HAT1: variants seen among roughly 807,000 people sequenced by gnomAD.
HAT1 encodes histone acetyltransferase type B catalytic subunit.
In HAT1, 20 loss-of-function variants were observed where a neutral mutation model predicts 56.6. The observed-to-expected ratio is 0.35, with a 90% CI of 0.25 to 0.51. The LOEUF is 0.51. HAT1 is among the 20% of genes least tolerant of loss of function. The pLI, the probability that HAT1 is intolerant of heterozygous loss-of-function variation, is 0.95. For missense variants in HAT1, 408 were observed against 504.3 expected (o/e 0.81, Z 1.83); for synonymous variants, 146 against 165.5 (o/e 0.88, Z 0.91).
Position 171,983,284 on chromosome 2 carries a change from C to G in HAT1, c.1192C>G (p.Leu398Val). 1.2e-6 allele frequency: 2 copies of G among 1,606,598 alleles called. No individual in the cohort carries two copies. Among genetic ancestry groups the G allele is most frequent in the South Asian group, 1.1e-5 (1 of 90,538 alleles). The change falls in exon 11 of 11, where the codon CTG becomes GTG. Residue 398 changes from leucine (L) to valine (V), a missense_variant. Leu to Val is a conservative substitution (Grantham distance 32). Coordinates refer to ENST00000264108, the MANE Select transcript of HAT1 (RefSeq NM_003642.4). Reference protein sequence around the residue: ...QIEISMQHEQLEESFQELVED... With the variant: ...QIEISMQHEQVEESFQELVED... ...AGAAATAAGCATGCAACATGAACAG[C>G]TGGAAGAGAGTTTTCAGGAACTAGT...
At chr2:171,939,029 C>G (rs1174969108) in intron 2 of HAT1, among the ~76,000 whole-genome samples, 1 of 152,168 alleles carries the variant, frequency 6.6e-6, no homozygotes, top group Non-Finnish European at 1.5e-5. Flanking sequence ...ATGTGAGCCA[C>G]CAGGCCCGGC....
chr2:171,965,086 G>A, intron 4 of HAT1: 1 of 405,044 alleles, frequency 2.5e-6, no homozygotes, highest in Non-Finnish European at 4.4e-6. Flanking sequence ...CCATAGCATT[G>A]CCCTTATTAT....
chr2:171,957,709 G>A (rs181218636), intron 4 of HAT1, among the ~76,000 whole-genome samples: 1 of 152,228 alleles, frequency 6.6e-6, no homozygotes, highest in Non-Finnish European at 1.5e-5. Context: ...CTGTTTCCGA[G>A]CATTCCTCAT....
At chr2:171,953,401 C>T (rs888375028) in intron 4 of HAT1, among the ~76,000 whole-genome samples, 4 of 151,692 alleles carry the variant, frequency 2.6e-5, no homozygotes, top group African/African-American at 9.7e-5. Flanking sequence ...AAGGTTTGGG[C>T]TGGGTGCAGT....
At chr2:171,959,951 C>T (rs1687536111) in intron 4 of HAT1, among the ~76,000 whole-genome samples, 1 of 152,014 alleles carries the variant, frequency 6.6e-6, no homozygotes, top group African/African-American at 2.4e-5. Flanking sequence ...TTTTTGTAGT[C>T]CAGAAAGATT....
At chr2:171,966,614 A>T (rs944642038) in intron 7 of HAT1, 101 bp downstream of exon 7, 3 of 713,538 alleles carry the variant, frequency 4.2e-6, no homozygotes, top group Non-Finnish European at 7.6e-6. Flanking sequence ...TTTAAAAAAA[A>T]AATCACTATT....
At chr2:171,934,115 A>C (rs1414629264) in intron 2 of HAT1, among the ~76,000 whole-genome samples, 1 of 152,198 alleles carries the variant, frequency 6.6e-6, no homozygotes, top group Non-Finnish European at 1.5e-5. Context: ...TCATTATAAA[A>C]TGTTCCATCT....
chr2:171,983,491 T>G lies in HAT1; in HGVS notation c.*139T>G, dbSNP rs1427555045. 1 of 470,946 alleles carries G rather than the reference T, an allele frequency of 2.1e-6. No homozygotes were observed. The highest frequency in any genetic ancestry group is 2.0e-5 in the African/African-American group (1 of 50,086). 29.2% of individuals were successfully genotyped at this position (470,946 alleles called of 1,614,324 possible). On this transcript the variant is annotated 3_prime_UTR_variant, in exon 11 of 11. Coordinates refer to ENST00000264108, the MANE Select transcript of HAT1 (RefSeq NM_003642.4). ...CTATCTTTAGTTGAATATTTTCTTT[T>G]GGAGAGATTGTATATTTTAAAATAC... is the stretch of plus-strand genomic sequence containing the variant.
chr2:171,968,386 CTT>C (rs1178216747), intron 8 of HAT1, among the ~76,000 whole-genome samples: 1 of 152,246 alleles, frequency 6.6e-6, no homozygotes, highest in East Asian at 1.9e-4. Flanking sequence ...CATAAGTAGT[CTT>C]TGTCTACTCT....
intron 8 of HAT1, among the ~76,000 whole-genome samples, chr2:171,969,637 A>G (rs1235920543): frequency 6.6e-6 from 1 of 152,196 alleles, no homozygotes; most frequent in African/African-American, 2.4e-5. Flanking sequence ...GACACTTTCA[A>G]AGGGCTTAAA....
At chr2:171,965,172 T>C (rs1054053755) in intron 4 of HAT1, 166 bp from the exon 5 acceptor site, 20 of 578,578 alleles carry the variant, frequency 3.5e-5, no homozygotes, top group African/African-American at 2.9e-4. Context: ...TGTGATGCAG[T>C]TTGTGCACAG....
chr2:171,956,295 C>A (rs1687444236), intron 4 of HAT1, among the ~76,000 whole-genome samples: 1 of 149,860 alleles, frequency 6.7e-6, no homozygotes, highest in Non-Finnish European at 1.5e-5. Flanking sequence ...CCAGCCTGGG[C>A]AGTATGGCGA....
intron 10 of HAT1, among the ~76,000 whole-genome samples, chr2:171,982,457 T>G (rs1688156416): frequency 6.6e-6 from 1 of 152,222 alleles, no homozygotes; most frequent in Non-Finnish European, 1.5e-5. Flanking sequence ...TGACTTGATC[T>G]AGGCTTTCAT....
chr2:171,954,029 C>T (rs1422631793), intron 4 of HAT1, among the ~76,000 whole-genome samples: 1 of 152,144 alleles, frequency 6.6e-6, no homozygotes, highest in Non-Finnish European at 1.5e-5. Context: ...ATCATATACT[C>T]AGTCTTTAGT....
At chr2:171,948,058 C>A (rs1311953003) in intron 3 of HAT1, among the ~76,000 whole-genome samples, 3 of 151,978 alleles carry the variant, frequency 2.0e-5, no homozygotes, top group Non-Finnish European at 2.9e-5. Flanking sequence ...ATTTTTTTAC[C>A]TGGATTCACC....
chr2:171,955,472 G>A (rs939764826), intron 4 of HAT1, among the ~76,000 whole-genome samples: 5 of 151,876 alleles, frequency 3.3e-5, no homozygotes, highest in African/African-American at 4.8e-5. Context: ...TTAGCCGGGC[G>A]TGGTGGCAGG....
intron 8 of HAT1, among the ~76,000 whole-genome samples, chr2:171,968,544 A>G (rs1687735167): frequency 6.6e-6 from 1 of 152,202 alleles, no homozygotes; most frequent in Non-Finnish European, 1.5e-5. Context: ...AGAGTCATCA[A>G]TAATGGTAGC....
At chr2:171,929,516 TG>T (rs2105964368) in intron 2 of HAT1, among the ~76,000 whole-genome samples, 1 of 152,368 alleles carries the variant, frequency 6.6e-6, no homozygotes, top group South Asian at 2.1e-4. Flanking sequence ...TAGTGTTTTC[TG>T]GTTCATGCCT....
At chr2:171,944,774 T>G (rs372547190) in intron 2 of HAT1, among the ~76,000 whole-genome samples, 2 of 152,206 alleles carry the variant, frequency 1.3e-5, no homozygotes, top group African/African-American at 2.4e-5. Context: ...AAAATATACC[T>G]TTTCTTCTGT....
Sources: gnomAD v4.1 joint callset for allele counts (sites outside exome capture counted in the v4.1 genomes callset) on GRCh38, gnomAD v4.1.1 for gene constraint, MANE v1.5 for transcripts, NCBI Gene and HGNC (gene_info 2026-07-23, HGNC 2026-07-21) for gene names.